NIFK: variants seen among roughly 807,000 people sequenced by gnomAD.
NIFK encodes nucleolar protein interacting with the FHA domain of MKI67.
NIFK carries 16 observed loss-of-function variants against 31.7 expected under a neutral mutation model. That is an observed-to-expected ratio of 0.50 (90% CI 0.34 to 0.77). The LOEUF (loss-of-function observed/expected upper bound fraction) is 0.77. Among genes scored for constraint, NIFK ranks in the 30% least tolerant of loss-of-function variants. NIFK has a pLI of 0.01. For missense variants in NIFK, 341 were observed against 350.4 expected (o/e 0.97, Z 0.21); for synonymous variants, 126 against 123.0 (o/e 1.02, Z -0.16).
At chr2:121,732,299 GC>G in intron 2 of NIFK, 95 bp from the exon 3 acceptor site, 9 of 716,200 alleles carry the variant, frequency 1.3e-5, no homozygotes. Flanking sequence ...ATGTATATTA[GC>G]CCCTTATCAA....
rs1343117192 is a variant in NIFK, at chr2:121,727,693, A to G, written c.*31T>C. ...AAGTCCACTCTCATAAAAATATTAT[A>G]TTTTTCAAAAGAAATATAATACATT... On this transcript the variant is annotated 3_prime_UTR_variant, in exon 7 of 7. Transcript: ENST00000285814. 1 of 1,512,336 alleles carries G rather than the reference A, an allele frequency of 6.6e-7. No homozygotes were observed. The highest frequency in any genetic ancestry group is 1.2e-5 in the South Asian group (1 of 82,834). The allele number at this position is 1,512,336 out of a possible 1,614,324, so 93.7% of individuals were successfully genotyped here.
In NIFK at chr2:121,730,950, T is replaced by G. The variant is rs549651677; in HGVS notation, c.507A>C (p.Glu169Asp). ...TAGCTAATTTCTTCCTGAGTAATCT[T>G]TCTTTCTTTTTAAATCGCTCCTCCA... ...LRMEERFKKK[E>D]RLLRKKLAKK... The change falls in exon 4 of 7, where the codon GAA (glutamate) becomes GAC (aspartate). Residue 169 changes from glutamate (E) to aspartate (D), a missense_variant. Transcript: ENST00000285814. 6.2e-7 allele frequency: 1 copy of G among 1,613,158 alleles called. No homozygotes were observed. The highest frequency in any genetic ancestry group is 8.5e-7 in the Non-Finnish European group (1 of 1,179,608).
intron 2 of NIFK, among the ~76,000 whole-genome samples, chr2:121,732,452 C>G (rs1405042207): frequency 6.6e-6 from 1 of 152,138 alleles, no homozygotes; most frequent in Non-Finnish European, 1.5e-5. Flanking sequence ...GATAAATACA[C>G]AATTCCTATG....
At position 121,731,108 on chromosome 2, in the gene NIFK, T is replaced by C. The variant is rs1235155491; in HGVS notation, c.353-4A>G. The C allele has an allele frequency of 2.6e-6, 4 of 1,522,516 alleles. No homozygotes were observed. The African/African-American group carries it at 5.6e-5, about 21-fold the overall frequency. 94.3% of individuals were successfully genotyped at this position (1,522,516 alleles called of 1,614,324 possible). On this transcript the variant is annotated splice_region_variant and splice_polypyrimidine_tract_variant and intron_variant, in intron 3 of 6. Coordinates refer to ENST00000285814, the MANE Select transcript of NIFK (RefSeq NM_032390.5). ...TTTTCAGGTGGCATAAAATGACCTA[T>C]TTTCAAAAAGAAAAAAACATAAAGG...
At chr2:121,735,220 A>C (rs1573376290) in intron 2 of NIFK, among the ~76,000 whole-genome samples, 1 of 152,210 alleles carries the variant, frequency 6.6e-6, no homozygotes, top group East Asian at 1.9e-4. Context: ...AGGTCATATC[A>C]CTCTAACTAG....
intron 4 of NIFK, among the ~76,000 whole-genome samples, chr2:121,728,936 A>T (rs1249598005): frequency 1.3e-5 from 2 of 152,214 alleles, no homozygotes; most frequent in African/African-American, 4.8e-5. Context: ...CAAGAGTACC[A>T]GGGCCTAAGG....
At chr2:121,732,807 C>A (rs911403101) in intron 2 of NIFK, among the ~76,000 whole-genome samples, 8 of 152,062 alleles carry the variant, frequency 5.3e-5, no homozygotes, top group African/African-American at 1.9e-4. Flanking sequence ...ACGGTGAAAC[C>A]CCATCTCTAC....
chr2:121,728,202 T>G, intron 6 of NIFK, 86 bp downstream of exon 6: 1 of 901,988 alleles, frequency 1.1e-6, no homozygotes, highest in Non-Finnish European at 1.7e-6. Flanking sequence ...ATTTGAAATC[T>G]TAAAATGAGA....
At chr2:121,733,933 T>C (rs1462372785) in intron 2 of NIFK, among the ~76,000 whole-genome samples, 1 of 152,224 alleles carries the variant, frequency 6.6e-6, no homozygotes, top group Non-Finnish European at 1.5e-5. Flanking sequence ...ATTCTGCCTA[T>C]ACCTGTACAA....
intron 2 of NIFK, 77 bp from the exon 3 acceptor site, chr2:121,732,281 T>G (rs1305349351): frequency 4.7e-6 from 4 of 842,638 alleles, no homozygotes; most frequent in African/African-American, 1.7e-5. Context: ...ATGCCATTAT[T>G]TTAAATAATG....
rs751919899 is a variant in NIFK at position 121,728,452 on chromosome 2, T to C, written c.624+25A>G. The stretch of plus-strand genomic sequence containing the variant: ...ACTTATCCTTCTCTAATATCTTGCA[T>C]GTAAAATGATAAAAAAAATTTTACC... On this transcript the variant is annotated intron_variant, in intron 5 of 6. Transcript: ENST00000285814. 6 of 1,539,976 alleles carry C rather than the reference T, an allele frequency of 3.9e-6. No homozygotes were observed. In the East Asian group the frequency reaches 6.8e-5, roughly 17 times the overall value.
rs185171521 is a variant in NIFK at position 121,727,807 on chromosome 2, T to C, written c.799A>G (p.Ile267Val). ...TGTATTTCTTCTTTTACACAGGATA[T>C]GGGCTGTTTGAAAACTATTTCATCA... ...KDDEIVFKQP[I>V]SCVKEEIQET... The change falls in exon 7 of 7, where the codon ATA (isoleucine) becomes GTA (valine). Residue 267 changes from isoleucine to valine, a missense_variant. Transcript: ENST00000285814. 1.9e-6 allele frequency: 3 copies of C among 1,612,526 alleles called. No individual in the cohort carries two copies. The highest frequency in any genetic ancestry group is 1.7e-6 in the Non-Finnish European group (2 of 1,179,682).
chr2:121,736,690 C>A (rs2074583874), intron 1 of NIFK, 56 bp downstream of exon 1: 12 of 1,464,690 alleles, frequency 8.2e-6, no homozygotes, highest in African/African-American at 2.8e-5. Flanking sequence ...CCCCAGATAC[C>A]CTCTAGACCC....
In NIFK at chr2:121,730,883, GA is replaced by G; in HGVS notation, c.564+9del. On this transcript the variant is annotated intron_variant, in intron 4 of 6. Transcript: ENST00000285814. ...CAACAAACCACAAAAAAGATTTCAC[GA>G]ATATTTACCAAAGAAGGAAAATCAT... 6.3e-7 allele frequency: 1 copy of G among 1,584,792 alleles called. No homozygotes were observed. Among genetic ancestry groups the G allele is most frequent in the African/African-American group, 1.3e-5 (1 of 74,422 alleles).
In NIFK at chr2:121,736,860, C is replaced by T. The variant is rs540560330; in HGVS notation, c.-10G>A. 6.2e-6 allele frequency: 10 copies of T among 1,611,416 alleles called. No homozygotes were observed. In the South Asian group the frequency reaches 8.8e-5, roughly 14 times the overall value. On this transcript the variant is annotated 5_prime_UTR_variant, in exon 1 of 7. Coordinates refer to ENST00000285814, the MANE Select transcript of NIFK (RefSeq NM_032390.5). ...CAGAAAAAGTCGCCATGCCAAAAGC[C>T]GCCGACGCTAACCACGCGGCGCTCC... is the stretch of plus-strand genomic sequence containing the variant.
At chr2:121,729,235 T>C (rs111788820) in intron 4 of NIFK, among the ~76,000 whole-genome samples, 2,762 of 151,758 alleles carry the variant, frequency 0.018, 89 homozygotes, top group African/African-American at 0.063. Flanking sequence ...GGTGTGGTGG[T>C]GTGTGCCTGT....
intron 4 of NIFK, among the ~76,000 whole-genome samples, chr2:121,729,329 C>T (rs1278824399): frequency 1.0e-4 from 15 of 146,446 alleles, no homozygotes; most frequent in African/African-American, 3.6e-4. Flanking sequence ...GATAGTGCCA[C>T]TGCACTCCAG....
At position 121,727,293 on chromosome 2, in the gene NIFK, G is replaced by A. The variant is rs1172978361; in HGVS notation, c.*431C>T. ...ATTAAACTTCCAGCTTCAACCATCT[G>A]ATGTTGAAATCTAAAGCACCTCCAT... is the stretch of plus-strand genomic sequence containing the variant. On this transcript the variant is annotated 3_prime_UTR_variant, in exon 7 of 7. Coordinates refer to ENST00000285814, the MANE Select transcript of NIFK (RefSeq NM_032390.5). The A allele has an allele frequency of 1.3e-5, 5 of 394,752 alleles. No individual in the cohort carries two copies. The Admixed American group carries it at 1.7e-4, about 14-fold the overall frequency. The allele number at this position is 394,752 out of a possible 1,614,324, so 24.5% of individuals were successfully genotyped here.
Position 121,727,419 on chromosome 2 carries a change from A to T in NIFK, c.*305T>A, listed in dbSNP as rs1162655006. The T allele has an allele frequency of 1.8e-6, 1 of 542,274 alleles. No homozygotes were observed. The highest frequency in any genetic ancestry group is 4.9e-5 in the East Asian group (1 of 20,344). The allele number at this position is 542,274 out of a possible 1,614,324, so 33.6% of individuals were successfully genotyped here. On this transcript the variant is annotated 3_prime_UTR_variant, in exon 7 of 7. Coordinates refer to ENST00000285814, the MANE Select transcript of NIFK (RefSeq NM_032390.5). ...GCTGCAGTTTAGTACTTAAACCTGC[A>T]GTTAGTGGTCAACTTTCTATCCAGG...
Sources: allele counts gnomAD v4.1 joint callset (sites outside exome capture counted in the v4.1 genomes callset), GRCh38; gene constraint gnomAD v4.1.1; transcripts MANE v1.5; gene names NCBI Gene and HGNC (gene_info 2026-07-23, HGNC 2026-07-21).